Variants in GPC5 observed in about 807,000 individuals in gnomAD.
GPC5 encodes glypican 5, also known as glypican-5.
GPC5 carries 47 observed loss-of-function variants against 53.9 expected under a neutral mutation model. That is an observed-to-expected ratio of 0.87 (90% CI 0.69 to 1.11). GPC5 has a LOEUF of 1.11. Ranked by LOEUF, GPC5 falls within the 50% of genes most tolerant of loss-of-function variation. The probability of loss-of-function intolerance (pLI) is 0.00; values close to 1 mark genes in which losing one functional copy is unlikely to be tolerated. For synonymous variants in GPC5, 286 were observed against 263.3 expected (o/e 1.09, Z -0.84); for missense variants, 748 against 713.1 (o/e 1.05, Z -0.56).
At chr13:92,341,397 A>G (rs949211927) in intron 7 of GPC5, among the ~76,000 whole-genome samples, 8 of 152,122 alleles carry the variant, frequency 5.3e-5, no homozygotes, top group African/African-American at 1.9e-4. Flanking sequence ...TATGAGAGAC[A>G]CAAAGATTTT....
intron 7 of GPC5, among the ~76,000 whole-genome samples, chr13:92,267,917 C>A (rs1326053785): frequency 6.6e-6 from 1 of 152,018 alleles, no homozygotes; most frequent in African/African-American, 2.4e-5. Context: ...TGACCTGTTT[C>A]TTAACACTCT....
chr13:92,420,117 A>G (rs1876493954), intron 7 of GPC5, among the ~76,000 whole-genome samples: 1 of 152,140 alleles, frequency 6.6e-6, no homozygotes, highest in Admixed American at 6.5e-5. Flanking sequence ...TCAAATGTCT[A>G]TTGGCTAAAC....
intron 7 of GPC5, among the ~76,000 whole-genome samples, chr13:92,738,010 C>A (rs1239038608): frequency 6.6e-6 from 1 of 151,806 alleles, no homozygotes; most frequent in Non-Finnish European, 1.5e-5. Flanking sequence ...GTGATCCACC[C>A]ACTTCAGCCT....
At position 91,579,523 on chromosome 13, in the gene GPC5, C is replaced by T. The variant is rs1403540828; in HGVS notation, c.326-113664C>T. ...TCATCTGAACCACATTGAATACGAA[C>T]CTGCCTCTACCTGCTCTACTTGTGC... On this transcript the variant is annotated intron_variant, in intron 2 of 7. Transcript: ENST00000377067. Among the ~76,000 whole-genome samples, 4 of 152,260 alleles carry T rather than the reference C, an allele frequency of 2.6e-5. No individual in the cohort carries two copies. The South Asian group carries it at 8.3e-4, about 32-fold the overall frequency.
At chr13:92,564,723 T>C (rs1882810809) in intron 7 of GPC5, among the ~76,000 whole-genome samples, 1 of 151,994 alleles carries the variant, frequency 6.6e-6, no homozygotes, top group Non-Finnish European at 1.5e-5. Context: ...CCCATCTTTA[T>C]GGTCATGTGT....
At chr13:92,377,696 AATAG>A (rs2043706460) in intron 7 of GPC5, among the ~76,000 whole-genome samples, 1 of 152,200 alleles carries the variant, frequency 6.6e-6, no homozygotes, top group Non-Finnish European at 1.5e-5. Flanking sequence ...ATAACTTAAT[AATAG>A]ATTATGTATT....
chr13:92,695,651 G>A (rs1287939794), intron 7 of GPC5, among the ~76,000 whole-genome samples: 1 of 150,884 alleles, frequency 6.6e-6, no homozygotes, highest in Non-Finnish European at 1.5e-5. Context: ...ACAGACTTTT[G>A]GTAGGACTTA....
chr13:92,129,530 C>T (rs1250201221), intron 6 of GPC5, among the ~76,000 whole-genome samples: 1 of 152,112 alleles, frequency 6.6e-6, no homozygotes, highest in Non-Finnish European at 1.5e-5. Context: ...ACAATAAGCA[C>T]AGCTCCACAG....
chr13:92,585,665 C>T (rs1883514011), intron 7 of GPC5, among the ~76,000 whole-genome samples: 1 of 152,094 alleles, frequency 6.6e-6, no homozygotes, highest in Admixed American at 6.6e-5. Flanking sequence ...GGGGCCAGGA[C>T]AGAATAATAT....
intron 7 of GPC5, among the ~76,000 whole-genome samples, chr13:92,763,361 C>T (rs1413353631): frequency 7.7e-6 from 1 of 129,534 alleles, no homozygotes; most frequent in Non-Finnish European, 1.6e-5. Flanking sequence ...CATTCAGCTT[C>T]TTCAGCTTTG....
intron 2 of GPC5, among the ~76,000 whole-genome samples, chr13:91,522,472 A>G (rs1032187729): frequency 6.6e-6 from 1 of 151,790 alleles, no homozygotes; most frequent in Non-Finnish European, 1.5e-5. Context: ...ATAGCTGCGC[A>G]CTCTTTTTTC....
chr13:92,065,115 C>T (rs2041157862), intron 6 of GPC5, among the ~76,000 whole-genome samples: 1 of 152,090 alleles, frequency 6.6e-6, no homozygotes, highest in East Asian at 1.9e-4. Context: ...CAGTTAAATT[C>T]GATCAAATTC....
intron 3 of GPC5, among the ~76,000 whole-genome samples, chr13:91,707,429 C>A (rs2036130544): frequency 6.6e-6 from 1 of 151,972 alleles, no homozygotes; most frequent in South Asian, 2.1e-4. Context: ...TCAAGACCAG[C>A]CTGAGCAACA....
At chr13:92,073,801 G>A (rs1171157666) in intron 6 of GPC5, among the ~76,000 whole-genome samples, 5 of 152,056 alleles carry the variant, frequency 3.3e-5, no homozygotes, top group Admixed American at 2.6e-4. Context: ...CACCTAAATC[G>A]CATCTTGAAT....
chr13:92,093,415 C>T (rs1193877188), intron 6 of GPC5, among the ~76,000 whole-genome samples: 1 of 151,938 alleles, frequency 6.6e-6, no homozygotes, highest in Admixed American at 6.6e-5. Context: ...TATAGATGTG[C>T]AAGTATATGT....
intron 2 of GPC5, chr13:91,486,518 C>A (rs1883616655): frequency 6.6e-6 from 1 of 152,102 alleles, no homozygotes. Flanking sequence ...TATTGTAAGA[C>A]TAACTTTGAT....
At chr13:91,468,022 C>T (rs936512704) in intron 2 of GPC5, among the ~76,000 whole-genome samples, 14 of 152,102 alleles carry the variant, frequency 9.2e-5, no homozygotes, top group South Asian at 4.2e-4. Flanking sequence ...TAGGTGGTAT[C>T]GCTTCCTGCC....
At chr13:92,370,090 G>T (rs1176097877) in intron 7 of GPC5, among the ~76,000 whole-genome samples, 1 of 152,134 alleles carries the variant, frequency 6.6e-6, no homozygotes, top group Admixed American at 6.5e-5. Context: ...AAATTAATTT[G>T]ATTAAAACAA....
At chr13:91,422,788 G>C (rs1216237733) in intron 1 of GPC5, among the ~76,000 whole-genome samples, 1 of 152,166 alleles carries the variant, frequency 6.6e-6, no homozygotes, top group Non-Finnish European at 1.5e-5. Context: ...ATTCATGAGA[G>C]AGAGCCAATA....
Sources: allele counts gnomAD v4.1 joint callset (sites outside exome capture counted in the v4.1 genomes callset), GRCh38; gene constraint gnomAD v4.1.1; transcripts MANE v1.5; gene names NCBI Gene and HGNC (gene_info 2026-07-23, HGNC 2026-07-21).